Variants in FBP2 observed in about 807,000 individuals in gnomAD.
FBP2 encodes fructose-1,6-bisphosphatase isozyme 2.
In FBP2, 27 loss-of-function variants were observed where a neutral mutation model predicts 31.6. The ratio of observed to expected loss-of-function variants is 0.85; its 90% CI spans 0.63 to 1.18. FBP2 has a LOEUF of 1.18. Ranked by LOEUF, FBP2 falls within the 50% of genes most tolerant of loss-of-function variation. The pLI is 0.00. For synonymous variants in FBP2, 168 were observed against 179.8 expected, an observed-to-expected ratio of 0.93 and a Z score of 0.53; for missense variants, 421 against 436.1, an observed-to-expected ratio of 0.97 and a Z score of 0.31.
chr9:94,562,415 C>T (rs1219519580), intron 6 of FBP2, among the ~76,000 whole-genome samples: 1 of 151,778 alleles, frequency 6.6e-6, no homozygotes, highest in African/African-American at 2.4e-5. Flanking sequence ...CTTCTGCAGG[C>T]TTATCAGTGT....
intron 1 of FBP2, among the ~76,000 whole-genome samples, chr9:94,590,032 CT>C (rs1301106491): frequency 6.6e-6 from 1 of 152,170 alleles, no homozygotes; most frequent in East Asian, 1.9e-4. Flanking sequence ...CTGTCCTGCG[CT>C]TTGCAAATGC....
At chr9:94,573,207 AG>A (rs1827286452) in intron 3 of FBP2, among the ~76,000 whole-genome samples, 1 of 152,180 alleles carries the variant, frequency 6.6e-6, no homozygotes, top group Non-Finnish European at 1.5e-5. Context: ...TGCTAGCTGT[AG>A]ATGTACTTGA....
intron 1 of FBP2, among the ~76,000 whole-genome samples, chr9:94,588,895 C>T (rs1827460794): frequency 6.6e-6 from 1 of 152,202 alleles, no homozygotes; most frequent in Non-Finnish European, 1.5e-5. Flanking sequence ...ACACACCTGC[C>T]TTGTGACTGA....
At chr9:94,582,500 T>C (rs958022367) in intron 3 of FBP2, among the ~76,000 whole-genome samples, 3 of 151,398 alleles carry the variant, frequency 2.0e-5, no homozygotes, top group African/African-American at 7.3e-5. Flanking sequence ...TTCTCATGTC[T>C]CAGCCGAGTA....
At chr9:94,564,754 C>A (rs151044093) in intron 5 of FBP2, among the ~76,000 whole-genome samples, 1 of 152,160 alleles carries the variant, frequency 6.6e-6, no homozygotes, top group South Asian at 2.1e-4. Context: ...TACAGCAAAC[C>A]CCCATGACAG....
rs73653486 is a variant in FBP2, at chr9:94,571,348, T to C, written c.567+114A>G. 6.2e-3 allele frequency: 7,162 copies of C among 1,155,350 alleles called. 296 individuals carry two copies. The African/African-American group carries it at 0.09, about 15-fold the overall frequency. 71.6% of individuals were successfully genotyped at this position (1,155,350 alleles called of 1,614,324 possible). A position where few individuals can be genotyped will look rare whatever the true frequency, so the allele number is the denominator to read the frequency against. The stretch of plus-strand genomic sequence containing the variant: ...CCCCAAACTAGGCTCTCAGGACCCC[T>C]GGTCCCCAAAACAAGTATTAGGAAT... On this transcript the variant is annotated intron_variant, in intron 4 of 6. Coordinates refer to ENST00000375337, the MANE Select transcript of FBP2 (RefSeq NM_003837.4).
intron 3 of FBP2, among the ~76,000 whole-genome samples, chr9:94,572,120 T>G (rs1827276195): frequency 6.6e-6 from 1 of 152,174 alleles, no homozygotes; most frequent in South Asian, 2.1e-4. Flanking sequence ...TGCCTTTCTC[T>G]CTGACTCTGT....
chr9:94,593,559 G>A lies in FBP2; in HGVS notation c.168C>T (p.His56=), dbSNP rs906381897. The A allele has an allele frequency of 1.2e-6, 2 of 1,613,092 alleles. No individual in the cohort carries two copies. The highest frequency in any genetic ancestry group is 1.7e-6 in the Non-Finnish European group (2 of 1,179,728). ...SSAVRKAGLA[H]LYGIAGSVNV... Reference sequence around the variant, plus strand: ...CATGCCTGCTCCCCAGGACTCACAGGTGGGCCAGACCGGCCTTGCGCACAG... The same window carrying A: ...CATGCCTGCTCCCCAGGACTCACAGATGGGCCAGACCGGCCTTGCGCACAG... Residue 56 remains histidine, a splice_region_variant and synonymous_variant, in exon 1 of 7, where the codon CAC becomes CAT. Coordinates refer to ENST00000375337, the MANE Select transcript of FBP2 (RefSeq NM_003837.4).
At chr9:94,565,920 C>G (rs991449153) in intron 5 of FBP2, among the ~76,000 whole-genome samples, 2 of 152,004 alleles carry the variant, frequency 1.3e-5, no homozygotes, top group African/African-American at 4.8e-5. Flanking sequence ...CTAATTACAC[C>G]CATTCATTTT....
At chr9:94,582,853 T>C (rs1232333623) in intron 3 of FBP2, among the ~76,000 whole-genome samples, 4 of 129,072 alleles carry the variant, frequency 3.1e-5, no homozygotes, top group African/African-American at 8.6e-5. Flanking sequence ...CAGCCCCCTT[T>C]TTTTTTTTTT....
At chr9:94,566,148 CTTT>C (rs1213073715) in intron 5 of FBP2, among the ~76,000 whole-genome samples, 1 of 152,206 alleles carries the variant, frequency 6.6e-6, no homozygotes, top group East Asian at 1.9e-4. Context: ...CTTTTGACTT[CTTT>C]TTGTTTCCTA....
At chr9:94,564,996 ACTGAT>A (rs1173575680) in intron 5 of FBP2, among the ~76,000 whole-genome samples, 1 of 152,198 alleles carries the variant, frequency 6.6e-6, no homozygotes, top group Non-Finnish European at 1.5e-5. Context: ...TCCTAATTAT[ACTGAT>A]CTGATCACTG....
rs1827137365 is a variant in FBP2, at chr9:94,563,354, G to T, written c.813C>A (p.Ser271Arg). The change falls in exon 6 of 7, where the codon AGC becomes AGA. Residue 271 changes from serine to arginine, a missense_variant. By Grantham distance (110) the Ser-to-Arg change is moderately radical. Transcript: ENST00000375337. ...GIFLYPANQK[S>R]PKGKLRLLYE... The stretch of plus-strand genomic sequence containing the variant: ...AAGGGAGAATTACCTTGCCCTTAGG[G>T]CTCTTCTGGTTGGCTGGGTACAGGA... 1.2e-6 allele frequency: 2 copies of T among 1,614,004 alleles called. No individual in the cohort carries two copies. The highest frequency in any genetic ancestry group is 2.2e-5 in the South Asian group (2 of 91,062).
intron 2 of FBP2, 48 bp downstream of exon 2, chr9:94,587,259 C>A: frequency 6.5e-7 from 1 of 1,529,254 alleles, no homozygotes; most frequent in Non-Finnish European, 8.8e-7. Context: ...ATTTCCGGCT[C>A]AGTATCATCA....
At chr9:94,585,360 C>G (rs1232382086) in intron 2 of FBP2, among the ~76,000 whole-genome samples, 1 of 152,128 alleles carries the variant, frequency 6.6e-6, no homozygotes, top group Non-Finnish European at 1.5e-5. Context: ...AGTAAGTGTT[C>G]AAGGCCCTGG....
chr9:94,563,562 G>T, intron 5 of FBP2, 101 bp from the exon 6 acceptor site: 1 of 1,317,308 alleles, frequency 7.6e-7, no homozygotes, highest in South Asian at 1.4e-5. Flanking sequence ...CTGCCTTCTT[G>T]AATCCCTATC....
At position 94,593,791 on chromosome 9, in the gene FBP2, A is replaced by C. The variant is rs1827528508; in HGVS notation, c.-65T>G. ...AACCTTGCTTACTTCTGAGGGCTGCAGCTCCGCAGTGTGGAAGCCGATAAG... is the reference window on the plus strand; with the variant it reads ...AACCTTGCTTACTTCTGAGGGCTGCCGCTCCGCAGTGTGGAAGCCGATAAG... On this transcript the variant is annotated 5_prime_UTR_variant, in exon 1 of 7. Coordinates refer to ENST00000375337, the MANE Select transcript of FBP2 (RefSeq NM_003837.4). 12 of 1,561,552 alleles carry C rather than the reference A, an allele frequency of 7.7e-6. No homozygotes were observed. The South Asian group carries it at 1.3e-4, about 17-fold the overall frequency.
In FBP2 at chr9:94,587,345, C is replaced by G. The variant is rs1231882547; in HGVS notation, c.295G>C (p.Glu99Gln). The G allele has an allele frequency of 1.2e-6, 2 of 1,613,840 alleles. No individual in the cohort carries two copies. The highest frequency in any genetic ancestry group is 8.5e-7 in the Non-Finnish European group (1 of 1,179,958). The part of the protein sequence containing the change: ...SYSTCVLVSE[E>Q]NKDAIITAKE... Reference sequence around the variant, plus strand: ...GCGGTGATGATGGCGTCCTTATTCTCTTCTGAGACCAGGACGCAGGTACTA... The same window carrying G: ...GCGGTGATGATGGCGTCCTTATTCTGTTCTGAGACCAGGACGCAGGTACTA... Residue 99 changes from glutamate (E) to glutamine (Q), a missense_variant, in exon 2 of 7, where the codon GAG (glutamate) becomes CAG (glutamine). By Grantham distance (29) the Glu-to-Gln change is conservative (BLOSUM62 2). Transcript: ENST00000375337.
chr9:94,564,236 A>G (rs1334737433), intron 5 of FBP2, among the ~76,000 whole-genome samples: 3 of 152,248 alleles, frequency 2.0e-5, no homozygotes, highest in Non-Finnish European at 4.4e-5. Flanking sequence ...ATCAGACGTA[A>G]AACAATCCTC....
Sources: gnomAD v4.1 joint callset for allele counts (sites outside exome capture counted in the v4.1 genomes callset) on GRCh38, gnomAD v4.1.1 for gene constraint, MANE v1.5 for transcripts, NCBI Gene and HGNC (gene_info 2026-07-23, HGNC 2026-07-21) for gene names.